The following MPP2 variants were observed in gnomAD, a reference collection of about 807,000 sequenced individuals.
The protein encoded by MPP2 is MAGUK p55 scaffold protein 2.
Under a neutral mutation model 58.5 loss-of-function variants are expected in MPP2, and 42 were observed. That is an observed-to-expected ratio of 0.72 (90% CI 0.56 to 0.93). MPP2 has a LOEUF of 0.93. Among genes scored for constraint, MPP2 ranks in the 40% least tolerant of loss-of-function variants. The probability of loss-of-function intolerance (pLI) is 0.00; values close to 1 mark genes in which losing one functional copy is unlikely to be tolerated. For missense variants in MPP2, 632 were observed against 760.4 expected, an observed-to-expected ratio of 0.83 and a Z score of 1.99; for synonymous variants, 300 against 307.8, an observed-to-expected ratio of 0.97 and a Z score of 0.26.
intron 3 of MPP2, among the ~76,000 whole-genome samples, chr17:43,886,064 C>T (rs965917217): frequency 6.6e-6 from 1 of 151,018 alleles, no homozygotes; most frequent in Non-Finnish European, 1.5e-5. Context: ...GCTGAGATCG[C>T]GCCACTGCCC....
intron 3 of MPP2, 93 bp from the exon 4 acceptor site, chr17:43,883,448 C>T: frequency 7.2e-7 from 1 of 1,389,558 alleles, no homozygotes; most frequent in African/African-American, 1.4e-5. Context: ...AGGCATTTTC[C>T]CCATCCCACC....
intron 2 of MPP2, chr17:43,900,583 C>A: frequency 1.3e-6 from 2 of 1,513,878 alleles, no homozygotes. Flanking sequence ...ACTCCCGGAG[C>A]GTCCTACACG....
At position 43,901,339 on chromosome 17, in the gene MPP2, T is replaced by TA. The variant is rs1200087647; in HGVS notation, c.32-2960dup. 6.1e-6 allele frequency: 6 copies of TA among 985,358 alleles called. No individual in the cohort carries two copies. In the East Asian group the frequency reaches 6.8e-4, roughly 112 times the overall value. The allele number at this position is 985,358 out of a possible 1,614,324, so 61.0% of individuals were successfully genotyped here. On this transcript the variant is annotated intron_variant, in intron 2 of 12. Transcript: ENST00000269095. Reference sequence around the variant, plus strand: ...CCCATCTCCCATGAGTTCTTCCTCTTAATGAAGGGGATGATGCCCAGGAAG... The same window carrying TA: ...CCCATCTCCCATGAGTTCTTCCTCTTAAATGAAGGGGATGATGCCCAGGAAG...
rs912098832 is a variant in MPP2 at position 43,880,623 on chromosome 17, G to C, written c.1150+68C>G. ...GCCCATGAAGATGCCCATTCGGTGG[G>C]CCCAGCCCTGGCCCCAGGGGAGCCC... On this transcript the variant is annotated intron_variant, in intron 10 of 12. Transcript: ENST00000269095. The surrounding 1 kb of genome is among the most constrained non-coding windows in gnomAD (Gnocchi z 5.2). 21 of 1,516,136 alleles carry C rather than the reference G, an allele frequency of 1.4e-5. No individual in the cohort carries two copies. In the African/African-American group the frequency reaches 2.4e-4, roughly 17 times the overall value. 93.9% of individuals were successfully genotyped at this position (1,516,136 alleles called of 1,614,324 possible).
At chr17:43,904,358 G>A in intron 2 of MPP2, 72 bp downstream of exon 2, 1 of 1,457,222 alleles carries the variant, frequency 6.9e-7, no homozygotes, top group South Asian at 1.2e-5. Context: ...CTGTGCAAGT[G>A]CCCACCCCTA....
chr17:43,900,680 G>A, intron 2 of MPP2: 1 of 1,406,724 alleles, frequency 7.1e-7, no homozygotes, highest in South Asian at 1.6e-5. Flanking sequence ...CCAGCCAATG[G>A]GAAGGCTCAG....
chr17:43,894,043 G>C (rs953219546), intron 3 of MPP2, among the ~76,000 whole-genome samples: 1 of 151,734 alleles, frequency 6.6e-6, no homozygotes, highest in African/African-American at 2.4e-5. Flanking sequence ...GGGAGGCTGA[G>C]GCAGGCGAAT....
At chr17:43,900,538 T>G in intron 2 of MPP2, 1 of 1,533,674 alleles carries the variant, frequency 6.5e-7, no homozygotes. Context: ...CCCCGCTGCC[T>G]GGGCTGCCTG....
At chr17:43,896,845 T>G (rs1269353875) in intron 3 of MPP2, among the ~76,000 whole-genome samples, 1 of 151,974 alleles carries the variant, frequency 6.6e-6, no homozygotes, top group Non-Finnish European at 1.5e-5. Flanking sequence ...CACCAAGAAA[T>G]CTGAGCAATT....
intron 2 of MPP2, among the ~76,000 whole-genome samples, chr17:43,899,664 C>T (rs2048004930): frequency 6.6e-6 from 1 of 152,136 alleles, no homozygotes; most frequent in South Asian, 2.1e-4. Flanking sequence ...CACTGGAGGC[C>T]TTGGTGTGAC....
intron 3 of MPP2, among the ~76,000 whole-genome samples, chr17:43,890,668 G>A (rs1292283855): frequency 2.0e-5 from 3 of 152,248 alleles, no homozygotes; most frequent in Non-Finnish European, 4.4e-5. Flanking sequence ...TGACAGATGT[G>A]ACTTGCTTTA....
intron 3 of MPP2, among the ~76,000 whole-genome samples, chr17:43,887,792 T>G (rs1227517661): frequency 8.0e-6 from 1 of 125,784 alleles, no homozygotes. Flanking sequence ...TTAAAAAAAT[T>G]CAAAAGAAAA....
In MPP2 at chr17:43,880,914, A is replaced by T; in HGVS notation, c.989-62T>A. 6.4e-7 allele frequency: 1 copy of T among 1,559,368 alleles called. No homozygotes were observed. ...ACGGTGAGGGAGGGGCGGAGCTCTC[A>T]GGGAGGCTGAGGGCAAGAGGGCTTG... is the stretch of plus-strand genomic sequence containing the variant. On this transcript the variant is annotated intron_variant, in intron 9 of 12. Transcript: ENST00000269095. This position sits in a 1 kb window ranked among gnomAD's most constrained non-coding sequence, Gnocchi z 5.2.
Position 43,880,994 on chromosome 17 carries a change from C to G in MPP2, c.988+96G>C, listed in dbSNP as rs907588705. ...GGCCTAGGGACACGGCTGGCAGCAT[C>G]TGAGCCAGGCACACGTCGTCACAGG... is the stretch of plus-strand genomic sequence containing the variant. On this transcript the variant is annotated intron_variant, in intron 9 of 12. Coordinates refer to ENST00000269095, the MANE Select transcript of MPP2 (RefSeq NM_005374.5). The surrounding 1 kb of genome is among the most constrained non-coding windows in gnomAD (Gnocchi z 5.2). The G allele has an allele frequency of 5.2e-6, 8 of 1,538,910 alleles. No individual in the cohort carries two copies. Among genetic ancestry groups the G allele is most frequent in the Middle Eastern group, 1.9e-4 (1 of 5,390 alleles).
At chr17:43,904,803 T>C (rs2048227179) in intron 1 of MPP2, among the ~76,000 whole-genome samples, 1 of 152,182 alleles carries the variant, frequency 6.6e-6, no homozygotes, top group Non-Finnish European at 1.5e-5. Context: ...AATAAGTATA[T>C]AAATAAAGTG....
chr17:43,885,122 C>CA (rs540949072), intron 3 of MPP2, among the ~76,000 whole-genome samples: 3,781 of 60,358 alleles, frequency 0.063, 84 homozygotes, highest in Admixed American at 0.16. Context: ...AACTCCAGCT[C>CA]AAAAAAAAAA....
At chr17:43,887,691 C>T (rs925712127) in intron 3 of MPP2, among the ~76,000 whole-genome samples, 3 of 152,040 alleles carry the variant, frequency 2.0e-5, no homozygotes, top group African/African-American at 7.3e-5. Flanking sequence ...CCTGTAATCC[C>T]AGCACTTTGG....
At position 43,877,534 on chromosome 17, in the gene MPP2, T is replaced by C; in HGVS notation, c.*273A>G. On this transcript the variant is annotated 3_prime_UTR_variant, in exon 13 of 13. Transcript: ENST00000269095. Reference sequence around the variant, plus strand: ...CCATTATGGAGGTGACTCTGACACATTCCTGGGCATAGCTTGGCCCTCAGA... The same window carrying C: ...CCATTATGGAGGTGACTCTGACACACTCCTGGGCATAGCTTGGCCCTCAGA... 1 of 463,936 alleles carries C rather than the reference T, an allele frequency of 2.2e-6. No homozygotes were observed. Among genetic ancestry groups the C allele is most frequent in the Non-Finnish European group, 4.0e-6 (1 of 252,010 alleles). The allele number at this position is 463,936 out of a possible 1,614,324, so 28.7% of individuals were successfully genotyped here. A position where few individuals can be genotyped will look rare whatever the true frequency, so the allele number is the denominator to read the frequency against.
intron 6 of MPP2, 82 bp downstream of exon 6, chr17:43,882,202 G>C (rs534396760): frequency 7.6e-7 from 1 of 1,309,438 alleles, no homozygotes; most frequent in Non-Finnish European, 1.1e-6. Context: ...CAGTAGGAGA[G>C]GAGGGCCTCC....
Sources: gnomAD v4.1 joint callset for allele counts (sites outside exome capture counted in the v4.1 genomes callset) on GRCh38, gnomAD v4.1.1 for gene constraint, Gnocchi (gnomAD v3.1) non-coding constraint, MANE v1.5 for transcripts, NCBI Gene and HGNC (gene_info 2026-07-23, HGNC 2026-07-21) for gene names.